PLCXD3: variants seen among roughly 807,000 people sequenced by gnomAD.
PLCXD3 encodes the protein PI-PLC X domain-containing protein 3.
PLCXD3 carries 19 observed loss-of-function variants against 25.5 expected under a neutral mutation model. The ratio of observed to expected loss-of-function variants is 0.75; its 90% CI spans 0.52 to 1.09. The LOEUF (loss-of-function observed/expected upper bound fraction) is 1.09, where lower values mean the gene tolerates loss of function less well. Ranked by LOEUF, PLCXD3 falls within the 50% of genes least tolerant of loss-of-function variation. The probability of loss-of-function intolerance (pLI) is 0.00; values close to 1 mark genes in which losing one functional copy is unlikely to be tolerated. For missense variants in PLCXD3, 411 were observed against 388.1 expected, an observed-to-expected ratio of 1.06 and a Z score of -0.50; for synonymous variants, 174 against 137.6, an observed-to-expected ratio of 1.26 and a Z score of -1.85.
Position 41,388,954 on chromosome 5 carries a change from T to C in PLCXD3, c.104-6420A>G, listed in dbSNP as rs565289238. 1.3e-4 allele frequency among the ~76,000 whole-genome samples: 20 copies of C among 151,408 alleles called. 1 individual carries two copies. The South Asian group carries it at 3.9e-3, about 30-fold the overall frequency. ...TATTTCATTAGTATAGTAATGCTTGTATAATTTATATATAAATGTATTTAT... is the reference window on the plus strand; with the variant it reads ...TATTTCATTAGTATAGTAATGCTTGCATAATTTATATATAAATGTATTTAT... On this transcript the variant is annotated intron_variant, in intron 1 of 2. Transcript: ENST00000377801.
At chr5:41,408,252 C>G (rs1009014249) in intron 1 of PLCXD3, among the ~76,000 whole-genome samples, 1 of 152,196 alleles carries the variant, frequency 6.6e-6, no homozygotes, top group Non-Finnish European at 1.5e-5. Flanking sequence ...CAATGCTGCT[C>G]TTTCAAGGCC....
At chr5:41,405,573 C>T (rs1033214907) in intron 1 of PLCXD3, among the ~76,000 whole-genome samples, 2 of 152,068 alleles carry the variant, frequency 1.3e-5, no homozygotes, top group Non-Finnish European at 2.9e-5. Context: ...TTATAAGCTT[C>T]CCTAAAAGAG....
intron 1 of PLCXD3, among the ~76,000 whole-genome samples, chr5:41,395,668 C>T (rs1745980913): frequency 6.6e-6 from 1 of 152,036 alleles, no homozygotes; most frequent in South Asian, 2.1e-4. Context: ...TTAGCAGCTA[C>T]TATGAGCAAC....
intron 2 of PLCXD3, among the ~76,000 whole-genome samples, chr5:41,356,565 G>A (rs1005291190): frequency 3.3e-5 from 5 of 151,868 alleles, no homozygotes; most frequent in East Asian, 3.9e-4. Flanking sequence ...TTATTATTGG[G>A]GATATCAACA....
chr5:41,314,646 A>G (rs1050758712), intron 2 of PLCXD3, among the ~76,000 whole-genome samples: 2 of 152,322 alleles, frequency 1.3e-5, no homozygotes, highest in East Asian at 3.9e-4. Flanking sequence ...ATCTAGGGAA[A>G]GCATCCCAGC....
At chr5:41,480,366 T>C (rs1227956945) in intron 1 of PLCXD3, among the ~76,000 whole-genome samples, 2 of 151,766 alleles carry the variant, frequency 1.3e-5, no homozygotes, top group East Asian at 1.9e-4. Flanking sequence ...TGGGTACTTG[T>C]GCAGCTCTTG....
intron 1 of PLCXD3, among the ~76,000 whole-genome samples, chr5:41,491,415 T>A (rs1748667188): frequency 6.6e-6 from 1 of 152,174 alleles, no homozygotes; most frequent in South Asian, 2.1e-4. Context: ...ATTCTGTTGA[T>A]TTGAGGTGGA....
At position 41,347,090 on chromosome 5, in the gene PLCXD3, C is replaced by A. The variant is rs965722852; in HGVS notation, c.813-33320G>T. Among the ~76,000 whole-genome samples, 10 of 152,256 alleles carry A rather than the reference C, an allele frequency of 6.6e-5. No individual in the cohort carries two copies. In the East Asian group the frequency reaches 1.5e-3, roughly 24 times the overall value. ...TGTAAAAAACTGCAAAACTGACTTCCAAAATAGCTGTTCCATTTTGCATTC... is the reference window on the plus strand; with the variant it reads ...TGTAAAAAACTGCAAAACTGACTTCAAAAATAGCTGTTCCATTTTGCATTC... On this transcript the variant is annotated intron_variant, in intron 2 of 2. Transcript: ENST00000377801.
intron 1 of PLCXD3, among the ~76,000 whole-genome samples, chr5:41,465,353 C>CTTTTTTTTTATTTT (rs1747991966): frequency 7.6e-5 from 1 of 13,228 alleles, no homozygotes; most frequent in Non-Finnish European, 1.3e-4. Flanking sequence ...TAGTTCTTGT[C>CTTTTTTTTTATTTT]TTTTTTTTTT....
In PLCXD3 at chr5:41,307,181, C is replaced by A. The variant is rs919282637; in HGVS notation, c.*6436G>T. ...CTGGTGTCTAATGAAGGAAATGTCA[C>A]CAGCTCTGCAAATTCCCATCCTCCA... On this transcript the variant is annotated 3_prime_UTR_variant, in exon 3 of 3. Transcript: ENST00000377801. 12 of 152,550 alleles carry A rather than the reference C, an allele frequency of 7.9e-5. No homozygotes were observed. Among genetic ancestry groups the A allele is most frequent in the African/African-American group, 2.9e-4 (12 of 41,436 alleles). The allele number at this position is 152,550 out of a possible 1,614,324, so 9.4% of individuals were successfully genotyped here.
chr5:41,391,506 A>C (rs570189135), intron 1 of PLCXD3, among the ~76,000 whole-genome samples: 2 of 152,304 alleles, frequency 1.3e-5, no homozygotes, highest in East Asian at 3.9e-4. Context: ...TTCTGCCGGC[A>C]TTCATCACCT....
At chr5:41,394,195 T>C (rs1330675793) in intron 1 of PLCXD3, among the ~76,000 whole-genome samples, 3 of 152,250 alleles carry the variant, frequency 2.0e-5, no homozygotes, top group East Asian at 3.9e-4. Context: ...TGCTTGTTTG[T>C]TTATGTAAAT....
At chr5:41,400,345 C>A (rs1178327950) in intron 1 of PLCXD3, among the ~76,000 whole-genome samples, 1 of 151,742 alleles carries the variant, frequency 6.6e-6, no homozygotes, top group Non-Finnish European at 1.5e-5. Flanking sequence ...GGGTATATAC[C>A]CAAAAAAAGA....
chr5:41,319,814 C>T (rs927624434), intron 2 of PLCXD3, among the ~76,000 whole-genome samples: 4 of 151,624 alleles, frequency 2.6e-5, no homozygotes, highest in Admixed American at 1.3e-4. Context: ...ATCAATAAAA[C>T]AAAAATGTCA....
At chr5:41,486,714 A>G (rs1748525111) in intron 1 of PLCXD3, among the ~76,000 whole-genome samples, 1 of 152,206 alleles carries the variant, frequency 6.6e-6, no homozygotes, top group African/African-American at 2.4e-5. Flanking sequence ...ATATGATGTA[A>G]TGGTCGAAAG....
chr5:41,327,675 A>G (rs948303707), intron 2 of PLCXD3, among the ~76,000 whole-genome samples: 4 of 152,172 alleles, frequency 2.6e-5, no homozygotes, highest in Admixed American at 6.6e-5. Flanking sequence ...ATTCCCTTTG[A>G]ATTTGTATAT....
chr5:41,352,182 C>T (rs1744481686), intron 2 of PLCXD3, among the ~76,000 whole-genome samples: 1 of 152,190 alleles, frequency 6.6e-6, no homozygotes, highest in Admixed American at 6.5e-5. Context: ...CATCATCTGA[C>T]TTTTCTTAAA....
chr5:41,468,127 C>G (rs867279905), intron 1 of PLCXD3, among the ~76,000 whole-genome samples: 7 of 146,550 alleles, frequency 4.8e-5, no homozygotes, highest in South Asian at 2.2e-4. Flanking sequence ...AAGCAATTCT[C>G]CTGCCTCAGC....
At chr5:41,423,902 A>T (rs965552370) in intron 1 of PLCXD3, among the ~76,000 whole-genome samples, 1 of 152,220 alleles carries the variant, frequency 6.6e-6, no homozygotes, top group African/African-American at 2.4e-5. Flanking sequence ...ATAATCACAA[A>T]CTAATTAAAA....
Sources: allele counts gnomAD v4.1 joint callset (sites outside exome capture counted in the v4.1 genomes callset), GRCh38; gene constraint gnomAD v4.1.1; transcripts MANE v1.5; gene names NCBI Gene and HGNC (gene_info 2026-07-23, HGNC 2026-07-21).